The following RASSF6 variants were observed in gnomAD, a reference collection of about 807,000 sequenced individuals.
RASSF6 encodes ras association domain-containing protein 6.
In RASSF6, 52 loss-of-function variants were observed where a neutral mutation model predicts 44.0. The ratio of observed to expected loss-of-function variants is 1.18; its 90% confidence interval spans 0.95 to 1.49. The LOEUF (loss-of-function observed/expected upper bound fraction) is 1.49. Ranked by LOEUF, RASSF6 falls within the 40% of genes most tolerant of loss-of-function variation. The probability of loss-of-function intolerance (pLI) is 0.00; values close to 1 mark genes in which losing one functional copy is unlikely to be tolerated. For missense variants in RASSF6, 464 were observed against 393.3 expected, an observed-to-expected ratio of 1.18 and a Z score of -1.52; for synonymous variants, 162 against 124.6, an observed-to-expected ratio of 1.30 and a Z score of -2.00.
At chr4:73,606,775 A>C (rs1030337565) in intron 2 of RASSF6, among the ~76,000 whole-genome samples, 5 of 152,096 alleles carry the variant, frequency 3.3e-5, no homozygotes, top group African/African-American at 4.8e-5. Context: ...TTCTGTGCTT[A>C]TTGAGAATGA....
At chr4:73,612,652 T>C (rs1726106620) in intron 1 of RASSF6, among the ~76,000 whole-genome samples, 1 of 152,150 alleles carries the variant, frequency 6.6e-6, no homozygotes. Context: ...TATTCTTCTA[T>C]TCTCATAAAA....
In RASSF6 at chr4:73,576,574, G is replaced by A. The variant is rs201317748; in HGVS notation, c.840+39C>T. ...TTATGCAAGAGGTGCTGAGTCAGGA[G>A]GGAAGCAAAAAACAGATTCAGGGTG... On this transcript the variant is annotated intron_variant, in intron 9 of 10. Transcript: ENST00000307439. 10 of 1,570,186 alleles carry A rather than the reference G, an allele frequency of 6.4e-6. No individual in the cohort carries two copies. The East Asian group carries it at 1.6e-4, about 25-fold the overall frequency.
chr4:73,593,204 C>T (rs1337005877), intron 4 of RASSF6, among the ~76,000 whole-genome samples: 2 of 151,938 alleles, frequency 1.3e-5, no homozygotes, highest in Non-Finnish European at 2.9e-5. Flanking sequence ...TTAGTAGAGA[C>T]AGGGTTTCAT....
intron 1 of RASSF6, among the ~76,000 whole-genome samples, chr4:73,617,425 G>A (rs949457330): frequency 3.3e-5 from 5 of 152,178 alleles, no homozygotes; most frequent in South Asian, 2.1e-4. Context: ...TCTGGGAGGC[G>A]CTGCTCAGTC....
intron 4 of RASSF6, among the ~76,000 whole-genome samples, chr4:73,590,848 T>C (rs1724491458): frequency 6.6e-6 from 1 of 152,232 alleles, no homozygotes; most frequent in African/African-American, 2.4e-5. Context: ...AGGTAATTTT[T>C]CTCCACTTTA....
intron 5 of RASSF6, among the ~76,000 whole-genome samples, chr4:73,587,428 C>T (rs7667185): frequency 0.28 from 42,229 of 151,814 alleles, 6,112 homozygotes; most frequent in Admixed American, 0.41. Flanking sequence ...CTAACTAAAA[C>T]GTTCAACTTC....
intron 8 of RASSF6, among the ~76,000 whole-genome samples, chr4:73,578,181 T>C (rs894724161): frequency 6.6e-6 from 1 of 152,192 alleles, no homozygotes; most frequent in African/African-American, 2.4e-5. Flanking sequence ...AACACGCTTG[T>C]TCGTTCATAG....
rs1371310362 is a variant in RASSF6 at position 73,593,525 on chromosome 4, C to T, written c.213G>A (p.Gln71=). 23 of 1,613,550 alleles carry T rather than the reference C, an allele frequency of 1.4e-5. No homozygotes were observed. Among genetic ancestry groups the T allele is most frequent in the South Asian group, 4.4e-5 (4 of 90,970 alleles). The change falls in exon 4 of 11, where the codon CAG becomes CAA. Residue 71 remains glutamine, a synonymous_variant. Coordinates refer to ENST00000307439, the MANE Select transcript of RASSF6 (RefSeq NM_177532.5). The stretch of plus-strand genomic sequence containing the variant: ...ATGGCTTCTCATCTTGTATTTTTAG[C>T]TGTATAGGTCGTTTTACTCCCCAGA... ...DIFWGVKRPI[Q]LKIQDEKPFS...
Position 73,590,024 on chromosome 4 carries a change from T to C in RASSF6, c.288-2090A>G, listed in dbSNP as rs368077802. On this transcript the variant is annotated intron_variant, in intron 4 of 10. Coordinates refer to ENST00000307439, the MANE Select transcript of RASSF6 (RefSeq NM_177532.5). The stretch of plus-strand genomic sequence containing the variant: ...TATGCAAAAGCTGAGTTTTGAAAGA[T>C]ATTAAAAACAGATGTGAAAAATAGC... Among the ~76,000 whole-genome samples the C allele has an allele frequency of 3.3e-5, 5 of 152,316 alleles. No individual in the cohort carries two copies. The East Asian group carries it at 9.6e-4, about 29-fold the overall frequency.
At chr4:73,611,677 A>G in intron 2 of RASSF6, 54 bp downstream of exon 2, 1 of 1,167,630 alleles carries the variant, frequency 8.6e-7, no homozygotes, top group Non-Finnish European at 1.3e-6. Flanking sequence ...TTGACGGTAT[A>G]TTCCACAAAT....
intron 4 of RASSF6, among the ~76,000 whole-genome samples, chr4:73,589,655 A>T (rs1724373121): frequency 6.6e-6 from 1 of 152,030 alleles, no homozygotes; most frequent in Non-Finnish European, 1.5e-5. Context: ...TTGAAGCATC[A>T]CCCCATACAA....
intron 1 of RASSF6, 101 bp from the exon 2 acceptor site, chr4:73,611,930 A>C: frequency 1.4e-6 from 1 of 736,714 alleles, no homozygotes; most frequent in Non-Finnish European, 2.2e-6. Context: ...GAGTATAAGA[A>C]GGTTTTAGAA....
At chr4:73,613,641 C>A (rs962529355) in intron 1 of RASSF6, among the ~76,000 whole-genome samples, 2 of 152,124 alleles carry the variant, frequency 1.3e-5, no homozygotes, top group Admixed American at 1.3e-4. Context: ...CTATACCTTG[C>A]CAAAGAGTTC....
chr4:73,613,301 G>A (rs909391010), intron 1 of RASSF6, among the ~76,000 whole-genome samples: 21 of 152,080 alleles, frequency 1.4e-4, no homozygotes, highest in African/African-American at 4.8e-4. Flanking sequence ...TACGTCAGAA[G>A]CCACATGGGC....
At chr4:73,605,139 C>G (rs961050097) in intron 2 of RASSF6, among the ~76,000 whole-genome samples, 2 of 152,160 alleles carry the variant, frequency 1.3e-5, no homozygotes, top group Non-Finnish European at 1.5e-5. Context: ...ATCCACCTGC[C>G]TCAGCCTCCC....
At chr4:73,585,908 G>A (rs1724050903) in intron 5 of RASSF6, among the ~76,000 whole-genome samples, 1 of 150,566 alleles carries the variant, frequency 6.6e-6, no homozygotes, top group South Asian at 2.1e-4. Context: ...ATGTATACAT[G>A]TGCCATGCTG....
rs79052273 is a variant in RASSF6 at position 73,605,608 on chromosome 4, T to G, written c.65+6123A>C. Among the ~76,000 whole-genome samples, 628 of 152,334 alleles carry G rather than the reference T, an allele frequency of 4.1e-3. 4 individuals are homozygous for G. Among genetic ancestry groups the G allele is most frequent in the South Asian group, 0.024 (118 of 4,826 alleles). The stretch of plus-strand genomic sequence containing the variant: ...AGGTTATTCGCATTTCCTTTGCAAA[T>G]GAAGGGACTGAGTTCCAAAGTCTGG... On this transcript the variant is annotated intron_variant, in intron 2 of 10. Transcript: ENST00000307439.
intron 6 of RASSF6, among the ~76,000 whole-genome samples, chr4:73,583,449 T>C (rs1029916110): frequency 1.3e-5 from 2 of 152,112 alleles, no homozygotes; most frequent in Admixed American, 6.6e-5. Flanking sequence ...CCATAACTAA[T>C]CTCCAGATAT....
chr4:73,599,311 A>G (rs1366952100), intron 2 of RASSF6, among the ~76,000 whole-genome samples: 1 of 152,220 alleles, frequency 6.6e-6, no homozygotes, highest in East Asian at 1.9e-4. Context: ...GCAAAGGCTC[A>G]TTGTTACTGT....
Sources: gnomAD v4.1 joint callset for allele counts (sites outside exome capture counted in the v4.1 genomes callset) on GRCh38, gnomAD v4.1.1 for gene constraint, MANE v1.5 for transcripts, NCBI Gene and HGNC (gene_info 2026-07-23, HGNC 2026-07-21) for gene names.